Variants in UGCG observed in about 807,000 individuals in gnomAD.
The protein encoded by UGCG is ceramide glucosyltransferase.
Under a neutral mutation model 49.5 loss-of-function variants are expected in UGCG, and 10 were observed. That is an observed-to-expected ratio of 0.20 (90% CI 0.12 to 0.34). The LOEUF is 0.34. Among genes scored for constraint, UGCG ranks in the 10% least tolerant of loss-of-function variants. UGCG has a pLI of 1.00. For synonymous variants in UGCG, 182 were observed against 158.2 expected, an observed-to-expected ratio of 1.15 and a Z score of -1.13; for missense variants, 312 against 483.7, an observed-to-expected ratio of 0.65 and a Z score of 3.33.
At chr9:111,925,902 T>C (rs1386353628) in intron 4 of UGCG, among the ~76,000 whole-genome samples, 3 of 152,232 alleles carry the variant, frequency 2.0e-5, no homozygotes, top group Non-Finnish European at 4.4e-5. Context: ...TACTATCATA[T>C]GTTTTTCAGT....
intron 5 of UGCG, among the ~76,000 whole-genome samples, chr9:111,927,095 T>G (rs983739046): frequency 2.0e-5 from 3 of 152,024 alleles, no homozygotes; most frequent in African/African-American, 4.8e-5. Flanking sequence ...GGCCTCAAAC[T>G]CCTGACCTCA....
intron 1 of UGCG, among the ~76,000 whole-genome samples, chr9:111,908,710 A>G (rs1837938646): frequency 6.6e-6 from 1 of 152,226 alleles, no homozygotes; most frequent in African/African-American, 2.4e-5. Context: ...GAGGGTAGAA[A>G]TGGACACCCA....
intron 4 of UGCG, 100 bp downstream of exon 4, chr9:111,924,978 A>C (rs1193585486): frequency 5.3e-6 from 3 of 566,812 alleles, no homozygotes; most frequent in African/African-American, 2.0e-5. Flanking sequence ...TATTTGCCTA[A>C]AAGAGTAATT....
At chr9:111,904,592 G>A (rs1024459270) in intron 1 of UGCG, among the ~76,000 whole-genome samples, 2 of 152,166 alleles carry the variant, frequency 1.3e-5, no homozygotes, top group African/African-American at 2.4e-5. Flanking sequence ...TGGGCTTGGT[G>A]GCTCACACCT....
intron 2 of UGCG, among the ~76,000 whole-genome samples, chr9:111,921,389 C>T (rs1170372694): frequency 4.6e-5 from 7 of 152,010 alleles, no homozygotes; most frequent in Non-Finnish European, 8.8e-5. Context: ...TGGTGGCTCA[C>T]GCCTGTAATC....
Position 111,897,191 on chromosome 9 carries a change from CCGGGCCGGTCCGG to C in UGCG, c.-16_-4del, listed in dbSNP as rs755053021. ...TGTCCGTGTTGGCGGCCGCAGCGGG[CCGGGCCGGTCCGG>C]CGGGCCGGGGGATGGCGCTGCTGGA... is the stretch of plus-strand genomic sequence containing the variant. On this transcript the variant is annotated 5_prime_UTR_variant, in exon 1 of 9. Coordinates refer to ENST00000374279, the MANE Select transcript of UGCG (RefSeq NM_003358.3). 155 of 1,536,440 alleles carry C rather than the reference CCGGGCCGGTCCGG, an allele frequency of 1.0e-4. 1 individual carries two copies. The highest frequency in any genetic ancestry group is 2.0e-5 in the Non-Finnish European group (23 of 1,142,918).
intron 1 of UGCG, among the ~76,000 whole-genome samples, chr9:111,911,905 GATATATATATATATATATAT>G (rs200468304): frequency 0.01 from 815 of 79,054 alleles, 23 homozygotes; most frequent in African/African-American, 0.025. Context: ...TATTCAACAG[GATATATATATATATATATAT>G]ATATATATAT....
At chr9:111,923,749 C>G (rs1368727554) in intron 3 of UGCG, among the ~76,000 whole-genome samples, 1 of 152,116 alleles carries the variant, frequency 6.6e-6, no homozygotes, top group Non-Finnish European at 1.5e-5. Context: ...TCTCCTGCTT[C>G]AGCCTCCTGA....
rs546706260 is a variant in UGCG, at chr9:111,932,347, C to A, written c.1002C>A (p.Leu334=). The A allele has an allele frequency of 6.2e-7, 1 of 1,613,798 alleles. No homozygotes were observed. The highest frequency in any genetic ancestry group is 1.1e-5 in the South Asian group (1 of 91,054). ...GGTTTATATTTGACTACATTCAACTCAGGGGTGTCCAGGTATGTGGATAGG... is the reference window on the plus strand; with the variant it reads ...GGTTTATATTTGACTACATTCAACTAAGGGGTGTCCAGGTATGTGGATAGG... ...LAWFIFDYIQ[L]RGVQGGTLCF... The change falls in exon 8 of 9, where the codon CTC becomes CTA. Residue 334 remains leucine (L), a synonymous_variant. Coordinates refer to ENST00000374279, the MANE Select transcript of UGCG (RefSeq NM_003358.3).
Position 111,934,806 on chromosome 9 carries a change from C to A in UGCG, c.*1809C>A, listed in dbSNP as rs1838489265. 6.8e-6 allele frequency: 1 copy of A among 147,692 alleles called. No individual in the cohort carries two copies. Among genetic ancestry groups the A allele is most frequent in the Non-Finnish European group, 1.5e-5 (1 of 66,964 alleles). The allele number at this position is 147,692 out of a possible 1,614,324, so 9.1% of individuals were successfully genotyped here. On this transcript the variant is annotated 3_prime_UTR_variant, in exon 9 of 9. Coordinates refer to ENST00000374279, the MANE Select transcript of UGCG (RefSeq NM_003358.3). ...CAAAGGCTTGGATGCATATTCCTTT[C>A]TTTCTGTGAATGGGTATTATTCCCT...
chr9:111,919,391 G>A (rs1838174850), intron 2 of UGCG, among the ~76,000 whole-genome samples: 1 of 152,094 alleles, frequency 6.6e-6, no homozygotes, highest in Non-Finnish European at 1.5e-5. Context: ...GCTGAGGTGG[G>A]AGGATTGCTT....
At position 111,919,891 on chromosome 9, in the gene UGCG, C is replaced by T. The variant is rs1475834152; in HGVS notation, c.241-2958C>T. Among the ~76,000 whole-genome samples, 6 of 152,058 alleles carry T rather than the reference C, an allele frequency of 3.9e-5. No homozygotes were observed. The East Asian group carries it at 5.8e-4, about 15-fold the overall frequency. On this transcript the variant is annotated intron_variant, in intron 2 of 8. Transcript: ENST00000374279. Reference sequence around the variant, plus strand: ...AGCAGCCTCCTATAGTAGGAAAGCTCGTTGTTACTTTTGCCGTTTGAAAAG... The same window carrying T: ...AGCAGCCTCCTATAGTAGGAAAGCTTGTTGTTACTTTTGCCGTTTGAAAAG...
chr9:111,923,634 GT>G lies in UGCG; in HGVS notation c.343+693del, dbSNP rs760136779. On this transcript the variant is annotated intron_variant, in intron 3 of 8. Transcript: ENST00000374279. ...GTCATATATTTATGGGGTTTTTTTGGTTTTTTTTTTCTTTGATACGAATTTT... is the reference window on the plus strand; with the variant it reads ...GTCATATATTTATGGGGTTTTTTTGGTTTTTTTTTCTTTGATACGAATTTT... Among the ~76,000 whole-genome samples, 739 of 148,396 alleles carry G rather than the reference GT, an allele frequency of 5.0e-3. 7 individuals are homozygous for G. The highest frequency in any genetic ancestry group is 0.016 in the African/African-American group (642 of 40,490).
In UGCG at chr9:111,930,802, G is replaced by C. The variant is rs150257330; in HGVS notation, c.738-469G>C. Among the ~76,000 whole-genome samples, 473 of 152,298 alleles carry C rather than the reference G, an allele frequency of 3.1e-3. 3 individuals are homozygous for C. Among genetic ancestry groups the C allele is most frequent in the Middle Eastern group, 0.01 (3 of 294 alleles). On this transcript the variant is annotated intron_variant, in intron 6 of 8. Coordinates refer to ENST00000374279, the MANE Select transcript of UGCG (RefSeq NM_003358.3). Reference sequence around the variant, plus strand: ...TGTTTTTAAAGGAGATCACTGCCTTGTGTGAGAATTCTTTTAAATTTTTTA... The same window carrying C: ...TGTTTTTAAAGGAGATCACTGCCTTCTGTGAGAATTCTTTTAAATTTTTTA...
rs752068268 is a variant in UGCG at position 111,933,114 on chromosome 9, GTTCTT to G, written c.*119_*123del. 95 of 962,112 alleles carry G rather than the reference GTTCTT, an allele frequency of 9.9e-5. No individual in the cohort carries two copies. Among genetic ancestry groups the G allele is most frequent in the Non-Finnish European group, 1.2e-4 (91 of 751,186 alleles). 59.6% of individuals were successfully genotyped at this position (962,112 alleles called of 1,614,324 possible). ...TTATCACATGTATGTTTTGGTATCT[GTTCTT>G]TAATTTATTTTTGCATGGCACTTGC... On this transcript the variant is annotated 3_prime_UTR_variant, in exon 9 of 9. Transcript: ENST00000374279.
intron 2 of UGCG, among the ~76,000 whole-genome samples, chr9:111,920,038 T>G (rs2118561233): frequency 6.6e-6 from 1 of 152,148 alleles, no homozygotes; most frequent in African/African-American, 2.4e-5. Context: ...GAGTCAGCTC[T>G]TAAGGAAATC....
rs1838055746 is a variant in UGCG, at chr9:111,913,512, C to T, written c.99-1093C>T. Among the ~76,000 whole-genome samples the T allele has an allele frequency of 2.6e-5, 4 of 152,102 alleles. No individual in the cohort carries two copies. In the South Asian group the frequency reaches 8.3e-4, roughly 32 times the overall value. On this transcript the variant is annotated intron_variant, in intron 1 of 8. Transcript: ENST00000374279. ...GCAGCGGCACAATCTTGGCTCACTG[C>T]AACCTCCACCCCCGGGTTCAAGTGA...
intron 1 of UGCG, among the ~76,000 whole-genome samples, chr9:111,901,439 T>TA (rs1461743440): frequency 6.6e-6 from 1 of 152,130 alleles, no homozygotes; most frequent in Non-Finnish European, 1.5e-5. Context: ...TTCAGGGAAA[T>TA]GAATAAGGCA....
chr9:111,920,711 C>A (rs1471344759), intron 2 of UGCG, among the ~76,000 whole-genome samples: 1 of 152,072 alleles, frequency 6.6e-6, no homozygotes, highest in African/African-American at 2.4e-5. Context: ...AGGTAGTGGG[C>A]AAACAATTGT....
Sources: gnomAD v4.1 joint callset for allele counts (sites outside exome capture counted in the v4.1 genomes callset) on GRCh38, gnomAD v4.1.1 for gene constraint, MANE v1.5 for transcripts, NCBI Gene and HGNC (gene_info 2026-07-23, HGNC 2026-07-21) for gene names.